The following PRP4K variants were observed in gnomAD, a reference collection of about 807,000 sequenced individuals.
PRP4K encodes serine/threonine-protein kinase PRP4 homolog.
At chr6:4,038,449 C>CTT in the PRP4K span, among the ~76,000 whole-genome samples, 1 of 144,202 alleles carries the variant, frequency 6.9e-6, no homozygotes, top group Non-Finnish European at 1.5e-5. Context: ...CCATGCCCAG[C>CTT]TTTTTTTTTT....
chr6:4,047,179 A>G, the PRP4K span: 2 of 1,608,084 alleles, frequency 1.2e-6, no homozygotes, highest in Admixed American at 1.7e-5. Context: ...TTTAAGGTTC[A>G]TCTCAGAAGA....
the PRP4K span, among the ~76,000 whole-genome samples, chr6:4,030,781 C>A: frequency 6.6e-6 from 1 of 152,118 alleles, no homozygotes; most frequent in Non-Finnish European, 1.5e-5. Context: ...TGATATTAGA[C>A]TTGTTGACTT....
chr6:4,056,759 G>A, the PRP4K span: 1 of 1,448,144 alleles, frequency 6.9e-7, no homozygotes, highest in Non-Finnish European at 9.3e-7. Flanking sequence ...AGGCTGATTA[G>A]CACCTCCACC....
At chr6:4,030,406 C>T in the PRP4K span, among the ~76,000 whole-genome samples, 1 of 152,076 alleles carries the variant, frequency 6.6e-6, no homozygotes, top group African/African-American at 2.4e-5. Context: ...CAAAATAATC[C>T]ATAGCTTCCT....
the PRP4K span, among the ~76,000 whole-genome samples, chr6:4,037,051 G>A: frequency 3.3e-5 from 5 of 150,958 alleles, no homozygotes; most frequent in African/African-American, 9.7e-5. Context: ...AGAAAAAGTC[G>A]TCAATGAAAA....
the PRP4K span, among the ~76,000 whole-genome samples, chr6:4,048,334 G>A: frequency 8.8e-5 from 13 of 147,696 alleles, no homozygotes; most frequent in East Asian, 2.0e-4. Context: ...AGCGGAGATC[G>A]CGCCACTGCA....
At chr6:4,036,660 A>T in the PRP4K span, among the ~76,000 whole-genome samples, 1 of 151,962 alleles carries the variant, frequency 6.6e-6, no homozygotes, top group African/African-American at 2.4e-5. Context: ...TGCAAGTGTA[A>T]ACCATTGTGC....
chr6:4,035,325 T>TTTTTTTG, the PRP4K span, among the ~76,000 whole-genome samples: 1 of 128,460 alleles, frequency 7.8e-6, no homozygotes, highest in Non-Finnish European at 1.6e-5. Context: ...TTTGATATTT[T>TTTTTTTG]TAGCAGAGAT....
the PRP4K span, among the ~76,000 whole-genome samples, chr6:4,042,034 T>G: frequency 8.5e-5 from 13 of 152,180 alleles, no homozygotes; most frequent in African/African-American, 3.1e-4. Flanking sequence ...CCCTTCAGAT[T>G]ATATGCAAAT....
the PRP4K span, chr6:4,040,944 C>A: frequency 2.5e-6 from 4 of 1,589,080 alleles, no homozygotes; most frequent in East Asian, 6.7e-5. Context: ...ATAGAACTTA[C>A]CCATAACTTT....
the PRP4K span, chr6:4,060,287 G>A: frequency 4.8e-6 from 4 of 826,192 alleles, no homozygotes; most frequent in Admixed American, 8.3e-5. This position sits in a 1 kb window ranked among gnomAD's most constrained non-coding sequence, Gnocchi z 4.7. Context: ...AATGTGCACT[G>A]TGTGTATATA....
At chr6:4,032,795 A>T in the PRP4K span, 1 of 1,454,924 alleles carries the variant, frequency 6.9e-7, no homozygotes, top group Middle Eastern at 1.8e-4. Context: ...TTACCAGTGC[A>T]TGAGATTTTA....
the PRP4K span, among the ~76,000 whole-genome samples, chr6:4,043,529 T>A: frequency 6.6e-6 from 1 of 152,236 alleles, no homozygotes; most frequent in African/African-American, 2.4e-5. Context: ...ACTGTAGTAG[T>A]CACACTGGGG....
At chr6:4,027,600 T>A in the PRP4K span, among the ~76,000 whole-genome samples, 9 of 25,206 alleles carry the variant, frequency 3.6e-4, 1 homozygote, top group South Asian at 7.2e-3. Flanking sequence ...GGCGGAGGGG[T>A]GGGGGGGTGG....
chr6:4,052,044 C>T, the PRP4K span: 1 of 1,605,030 alleles, frequency 6.2e-7, no homozygotes, highest in South Asian at 1.1e-5. Flanking sequence ...TGAGACTCTT[C>T]AGGCACTTCT....
the PRP4K span, among the ~76,000 whole-genome samples, chr6:4,022,836 T>A: frequency 5.3e-5 from 8 of 152,178 alleles, no homozygotes; most frequent in South Asian, 1.4e-3. Context: ...GATCTCATGC[T>A]ATGTGGTTAC....
the PRP4K span, chr6:4,056,571 C>G: frequency 6.3e-7 from 1 of 1,596,926 alleles, no homozygotes; most frequent in African/African-American, 1.3e-5. Flanking sequence ...ATAGCAAGTT[C>G]ATCCTCCTCA....
the PRP4K span, among the ~76,000 whole-genome samples, chr6:4,025,265 G>GC: frequency 1.3e-5 from 2 of 152,290 alleles, no homozygotes; most frequent in South Asian, 4.1e-4. Flanking sequence ...ATCCAAGAGG[G>GC]CCGTTAGGTT....
At chr6:4,041,206 T>C in the PRP4K span, among the ~76,000 whole-genome samples, 1 of 152,332 alleles carries the variant, frequency 6.6e-6, no homozygotes, top group Non-Finnish European at 1.5e-5. Flanking sequence ...AATACATACA[T>C]TAGTCCTGCC....
Sources: gnomAD v4.1 joint callset for allele counts (sites outside exome capture counted in the v4.1 genomes callset) on GRCh38, gnomAD v4.1.1 for gene constraint, Gnocchi (gnomAD v3.1) non-coding constraint, MANE v1.5 for transcripts, NCBI Gene and HGNC (gene_info 2026-07-23, HGNC 2026-07-21) for gene names.